The following ZDHHC19 variants were observed in gnomAD, a reference collection of about 807,000 sequenced individuals.
The protein encoded by ZDHHC19 is palmitoyltransferase ZDHHC19.
Under a neutral mutation model 33.9 loss-of-function variants are expected in ZDHHC19, and 30 were observed. The ratio of observed to expected loss-of-function variants is 0.88; its 90% CI spans 0.66 to 1.20. The LOEUF is 1.20. Ranked by LOEUF, ZDHHC19 falls within the 50% of genes most tolerant of loss-of-function variation. The pLI is 0.00. For missense variants in ZDHHC19, 364 were observed against 401.1 expected, an observed-to-expected ratio of 0.91 and a Z score of 0.79; for synonymous variants, 178 against 167.6, an observed-to-expected ratio of 1.06 and a Z score of -0.48.
Position 196,209,435 on chromosome 3 carries a change from A to T in ZDHHC19, c.349T>A (p.Cys117Ser). The T allele has an allele frequency of 1.9e-6, 3 of 1,611,016 alleles. No individual in the cohort carries two copies. Among genetic ancestry groups the T allele is most frequent in the Non-Finnish European group, 2.5e-6 (3 of 1,179,002 alleles). ...GAFRLQWCPK[C>S]CFHRPPRTYH... is the part of the protein sequence containing the mutation. ...GTCCGGGGCGGGCGGTGGAAGCAGCACTTTGGACACCATTGCAGGCGGAAG... is the reference window on the plus strand; with the variant it reads ...GTCCGGGGCGGGCGGTGGAAGCAGCTCTTTGGACACCATTGCAGGCGGAAG... The change falls in exon 3 of 8, where the codon TGC becomes AGC. Residue 117 changes from cysteine (C) to serine (S), a missense_variant. By Grantham distance (112) the Cys-to-Ser change is moderately radical. Coordinates refer to ENST00000296326, the MANE Select transcript of ZDHHC19 (RefSeq NM_001039617.2).
chr3:196,203,786 C>A lies in ZDHHC19; in HGVS notation c.687+3612G>T, dbSNP rs73083212. Among the ~76,000 whole-genome samples the A allele has an allele frequency of 6.6e-6, 1 of 151,966 alleles. No individual in the cohort carries two copies. Among genetic ancestry groups the A allele is most frequent in the East Asian group, 1.9e-4 (1 of 5,184 alleles). ...GGGAGGGTCCACATGCAGACCAGAG[C>A]GGGCTGATGAGGAAGGGCGGAGCTG... On this transcript the variant is annotated intron_variant, in intron 5 of 7. Transcript: ENST00000296326. This position sits in a 1 kb window ranked among gnomAD's most constrained non-coding sequence, Gnocchi z 4.3.
intron 4 of ZDHHC19, 61 bp downstream of exon 4, chr3:196,208,327 T>G: frequency 1.1e-4 from 130 of 1,216,884 alleles, no homozygotes; most frequent in Non-Finnish European, 1.3e-4. Context: ...AGCCCCGCCC[T>G]CTGCAGCCCC....
At chr3:196,202,769 G>A (rs1344569818) in intron 5 of ZDHHC19, among the ~76,000 whole-genome samples, 3 of 152,236 alleles carry the variant, frequency 2.0e-5, no homozygotes, top group East Asian at 1.9e-4. Flanking sequence ...AGCAGCATCC[G>A]TGTGACAGTG....
chr3:196,199,962 A>G (rs1035147090), intron 5 of ZDHHC19, among the ~76,000 whole-genome samples: 2 of 151,630 alleles, frequency 1.3e-5, no homozygotes, highest in African/African-American at 4.9e-5. Context: ...AGAAACTGGT[A>G]TTGTATTAGT....
rs1433229435 is a variant in ZDHHC19 at position 196,207,388 on chromosome 3, C to T, written c.687+10G>A. The T allele has an allele frequency of 2.1e-5, 33 of 1,551,012 alleles. No homozygotes were observed. The highest frequency in any genetic ancestry group is 2.9e-5 in the Non-Finnish European group (33 of 1,147,586). ...CGAGGTGCAAGCTGACCACCCGCGG[C>T]CCCGCGTACCTTGCCCTTGTAGGTG... On this transcript the variant is annotated intron_variant, in intron 5 of 7. Transcript: ENST00000296326.
rs1366891250 is a variant in ZDHHC19, at chr3:196,211,347, A to G, written c.-32T>C. ...GCCTCCTTCGCCTCCAGGGGAGGTCAGAGCCACCAGGCTTCCTCCCCCAGC... is the reference window on the plus strand; with the variant it reads ...GCCTCCTTCGCCTCCAGGGGAGGTCGGAGCCACCAGGCTTCCTCCCCCAGC... On this transcript the variant is annotated 5_prime_UTR_variant, in exon 1 of 8. Transcript: ENST00000296326. 1 of 1,568,802 alleles carries G rather than the reference A, an allele frequency of 6.4e-7. No individual in the cohort carries two copies. The highest frequency in any genetic ancestry group is 1.4e-5 in the African/African-American group (1 of 73,678).
intron 5 of ZDHHC19, among the ~76,000 whole-genome samples, chr3:196,206,674 CTTTTCTTT>C (rs1157192700): frequency 8.1e-6 from 1 of 124,110 alleles, no homozygotes; most frequent in African/African-American, 3.0e-5. Flanking sequence ...CTTTTCTTTT[CTTTTCTTT>C]TTTTTTTTTT....
chr3:196,210,732 C>T lies in ZDHHC19; in HGVS notation c.152G>A (p.Arg51Lys), dbSNP rs1723230063. 1 of 1,613,560 alleles carries T rather than the reference C, an allele frequency of 6.2e-7. No individual in the cohort carries two copies. The highest frequency in any genetic ancestry group is 8.5e-7 in the Non-Finnish European group (1 of 1,179,764). Residue 51 changes from arginine (R) to lysine (K), a missense_variant, in exon 2 of 8, where the codon AGG becomes AAG. By Grantham distance (26) the Arg-to-Lys change is conservative (BLOSUM62 2). Coordinates refer to ENST00000296326, the MANE Select transcript of ZDHHC19 (RefSeq NM_001039617.2). ...FSGLFFAFPC[R>K]WLAQNGEWAF... ...CCACTCCCCGTTCTGAGCCAGCCAC[C>T]TGCAACTGAGACCAGAGGCAGGCTC...
intron 5 of ZDHHC19, 126 bp downstream of exon 5, chr3:196,207,272 C>T: frequency 6.4e-6 from 5 of 779,728 alleles, no homozygotes; most frequent in Non-Finnish European, 1.0e-5. Context: ...AGAGCTGGGT[C>T]TGGAGGGACC....
Position 196,198,305 on chromosome 3 carries a change from C to G in ZDHHC19, c.920G>C (p.Gly307Ala). 6.6e-7 allele frequency: 1 copy of G among 1,505,072 alleles called. No individual in the cohort carries two copies. The highest frequency in any genetic ancestry group is 8.9e-7 in the Non-Finnish European group (1 of 1,127,698). The allele number at this position is 1,505,072 out of a possible 1,614,324, so 93.2% of individuals were successfully genotyped here. The change falls in exon 7 of 8, where the codon GGG becomes GCG. Residue 307 changes from glycine (G) to alanine (A), a missense_variant. Gly to Ala is a moderately conservative substitution (Grantham distance 60). Transcript: ENST00000296326. ...TGGAGAGCTGCAGCCTCACCACGCC[C>G]CGGGGGTCCCTTCCCTGCTTTGTAG... is the stretch of plus-strand genomic sequence containing the variant. Reference protein sequence around the residue: ...GSLQSREGTPGAW With the variant: ...GSLQSREGTPAAW
intron 3 of ZDHHC19, chr3:196,208,856 A>G (rs2108739500): frequency 2.4e-6 from 1 of 408,742 alleles, no homozygotes; most frequent in Non-Finnish European, 4.4e-6. Flanking sequence ...AACGTAAACC[A>G]TCTCTGGACC....
intron 5 of ZDHHC19, among the ~76,000 whole-genome samples, chr3:196,204,875 G>A (rs1006092719): frequency 6.6e-6 from 1 of 152,204 alleles, no homozygotes; most frequent in Non-Finnish European, 1.5e-5. Flanking sequence ...GGGAGGCTGA[G>A]GCAGGCAGAT....
In ZDHHC19 at chr3:196,199,901, T is replaced by C. The variant is rs189000995; in HGVS notation, c.688-1027A>G. Among the ~76,000 whole-genome samples, 1,464 of 151,960 alleles carry C rather than the reference T, an allele frequency of 9.6e-3. 35 individuals are homozygous for C. Among genetic ancestry groups the C allele is most frequent in the South Asian group, 0.082 (394 of 4,820 alleles). ...CGGAGGTTGCAGTGAGCCGAGATCA[T>C]GCCACTGCACTCCAGCCTGGGCGAC... On this transcript the variant is annotated intron_variant, in intron 5 of 7. Transcript: ENST00000296326.
chr3:196,207,525 G>T, intron 4 of ZDHHC19, 22 bp from the exon 5 acceptor site: 2 of 1,529,202 alleles, frequency 1.3e-6, no homozygotes, highest in Non-Finnish European at 1.8e-6. Context: ...AAGGAACCGG[G>T]CTGCGGGACC....
rs2108746331 is a variant in ZDHHC19 at position 196,211,219 on chromosome 3, A to G, written c.97T>C (p.Phe33Leu). ...PWFLPSLFAAFNVVLLVFFSG... is the reference protein window; with the variant it reads ...PWFLPSLFAALNVVLLVFFSG... ...AAAAAGACCAGCAGCACCACATTGAAGGCAGCAAAGAGGCTAGGGAGGAAC... is the reference window on the plus strand; with the variant it reads ...AAAAAGACCAGCAGCACCACATTGAGGGCAGCAAAGAGGCTAGGGAGGAAC... Residue 33 changes from phenylalanine to leucine, a missense_variant, in exon 1 of 8, where the codon TTC (phenylalanine) becomes CTC (leucine). Transcript: ENST00000296326. 6.2e-7 allele frequency: 1 copy of G among 1,614,178 alleles called. No homozygotes were observed. Among genetic ancestry groups the G allele is most frequent in the South Asian group, 1.1e-5 (1 of 91,086 alleles).
chr3:196,208,168 G>A lies in ZDHHC19; in HGVS notation c.581+220C>T, dbSNP rs532383704. ...CCCGCCTCGGCCTCCCAAAGTGCCG[G>A]AATTACAGGCGTGAGCCACCGCGCC... On this transcript the variant is annotated intron_variant, in intron 4 of 7. Coordinates refer to ENST00000296326, the MANE Select transcript of ZDHHC19 (RefSeq NM_001039617.2). Among the ~76,000 whole-genome samples the A allele has an allele frequency of 8.5e-5, 13 of 152,092 alleles. No homozygotes were observed. The South Asian group carries it at 1.9e-3, about 22-fold the overall frequency.
intron 5 of ZDHHC19, among the ~76,000 whole-genome samples, chr3:196,201,991 C>T (rs1722391436): frequency 6.6e-6 from 1 of 152,040 alleles, no homozygotes; most frequent in Non-Finnish European, 1.5e-5. Flanking sequence ...TTGGTTGGTT[C>T]ACTCACTGTT....
chr3:196,210,554 C>A (rs371463734), intron 2 of ZDHHC19, 62 bp downstream of exon 2: 6 of 1,607,324 alleles, frequency 3.7e-6, no homozygotes, highest in Non-Finnish European at 5.1e-6. Context: ...CTTTAGGAAT[C>A]CCCCCTGCAG....
At chr3:196,209,206 C>T in intron 3 of ZDHHC19, 170 bp downstream of exon 3, 1 of 897,486 alleles carries the variant, frequency 1.1e-6, no homozygotes, top group Non-Finnish European at 1.7e-6. Flanking sequence ...AGGACAGGTG[C>T]AGGTGGAGAA....
Sources: allele counts gnomAD v4.1 joint callset (sites outside exome capture counted in the v4.1 genomes callset), GRCh38; gene constraint gnomAD v4.1.1; non-coding constraint Gnocchi (gnomAD v3.1); transcripts MANE v1.5; gene names NCBI Gene and HGNC (gene_info 2026-07-23, HGNC 2026-07-21).